Variants in BACH2 observed in about 807,000 individuals in gnomAD.
BACH2 encodes transcription regulator protein BACH2.
Under a neutral mutation model 61.8 loss-of-function variants are expected in BACH2, and 5 were observed. The observed-to-expected ratio is 0.08, with a 90% confidence interval of 0.04 to 0.17. The LOEUF (loss-of-function observed/expected upper bound fraction) is 0.17. Ranked by LOEUF, BACH2 falls within the 10% of genes least tolerant of loss-of-function variation. BACH2 has a pLI of 1.00. For missense variants in BACH2, 824 were observed against 1,091.1 expected (o/e 0.76, Z 3.45); for synonymous variants, 446 against 440.1 (o/e 1.01, Z -0.17).
At chr6:90,143,770 G>T (rs555846092) in intron 4 of BACH2, among the ~76,000 whole-genome samples, 1 of 152,170 alleles carries the variant, frequency 6.6e-6, no homozygotes, top group Non-Finnish European at 1.5e-5. Context: ...GCCCCCATTG[G>T]TTGGTCAACA....
chr6:90,039,969 G>C (rs1779450881), intron 5 of BACH2, among the ~76,000 whole-genome samples: 1 of 149,864 alleles, frequency 6.7e-6, no homozygotes, highest in Non-Finnish European at 1.5e-5. Context: ...TTAAATATTA[G>C]GGAAATCAGT....
chr6:89,996,593 GGTCTTTGCCACA>G (rs1350451381), intron 6 of BACH2, among the ~76,000 whole-genome samples: 1 of 151,974 alleles, frequency 6.6e-6, no homozygotes, highest in Non-Finnish European at 1.5e-5. Flanking sequence ...CCTCTTTTTG[GGTCTTTGCCACA>G]CCAGTGTCCT....
At chr6:90,293,043 A>G (rs1772230513) in intron 1 of BACH2, among the ~76,000 whole-genome samples, 1 of 152,184 alleles carries the variant, frequency 6.6e-6, no homozygotes, top group African/African-American at 2.4e-5. Flanking sequence ...TGAAAAATGA[A>G]AACGAGGGGC....
chr6:90,212,715 T>C (rs1174967496), intron 3 of BACH2, among the ~76,000 whole-genome samples: 1 of 152,088 alleles, frequency 6.6e-6, no homozygotes, highest in Non-Finnish European at 1.5e-5. Context: ...AACTAATATA[T>C]GAGTTATGGT....
chr6:90,073,153 G>A (rs905694757), intron 5 of BACH2, among the ~76,000 whole-genome samples: 26 of 152,328 alleles, frequency 1.7e-4, no homozygotes, highest in African/African-American at 5.3e-4. Context: ...TACCAATGGC[G>A]TATTCTTGCT....
intron 5 of BACH2, among the ~76,000 whole-genome samples, chr6:90,082,645 C>T (rs989324200): frequency 2.0e-5 from 3 of 152,050 alleles, no homozygotes; most frequent in African/African-American, 7.2e-5. Context: ...ATTTGGGCAG[C>T]CAGATTATAG....
At chr6:89,972,886 C>T (rs1006280565) in intron 6 of BACH2, among the ~76,000 whole-genome samples, 5 of 152,070 alleles carry the variant, frequency 3.3e-5, no homozygotes, top group Admixed American at 2.0e-4. Context: ...GTCAGGAGTT[C>T]GAGACCAGCC....
chr6:90,058,496 A>G (rs1050291569), intron 5 of BACH2, among the ~76,000 whole-genome samples: 4 of 152,228 alleles, frequency 2.6e-5, no homozygotes, highest in African/African-American at 9.7e-5. Context: ...ATGGAAGAAC[A>G]TTCCATGCTC....
At chr6:90,260,154 A>T (rs1230215494) in intron 2 of BACH2, among the ~76,000 whole-genome samples, 1 of 151,536 alleles carries the variant, frequency 6.6e-6, no homozygotes, top group Non-Finnish European at 1.5e-5. Context: ...TTCATTTGAG[A>T]TCTTTCTTCT....
chr6:89,943,230 C>A (rs1016603870), intron 7 of BACH2, among the ~76,000 whole-genome samples: 3 of 152,044 alleles, frequency 2.0e-5, no homozygotes, highest in Admixed American at 6.6e-5. Context: ...TCCTTGCATG[C>A]TGTCTGCACC....
intron 3 of BACH2, among the ~76,000 whole-genome samples, chr6:90,220,144 A>C (rs889075184): frequency 6.6e-6 from 1 of 152,192 alleles, no homozygotes; most frequent in African/African-American, 2.4e-5. Flanking sequence ...GAATTTTTTC[A>C]CAATGTTTCC....
chr6:90,257,732 G>A (rs902472601), intron 2 of BACH2, among the ~76,000 whole-genome samples: 7 of 152,028 alleles, frequency 4.6e-5, no homozygotes, highest in African/African-American at 1.7e-4. Flanking sequence ...TTTGTTGATT[G>A]TTTCCTTTAC....
In BACH2 at chr6:89,950,526, G is replaced by A; in HGVS notation, c.1580C>T (p.Ser527Phe). 1 of 1,612,878 alleles carries A rather than the reference G, an allele frequency of 6.2e-7. No individual in the cohort carries two copies. The highest frequency in any genetic ancestry group is 8.5e-7 in the Non-Finnish European group (1 of 1,179,092). The change falls in exon 7 of 9, where the codon TCC becomes TTC. Residue 527 changes from serine (S) to phenylalanine (F), a missense_variant. By Grantham distance (155) the Ser-to-Phe change is radical. This residue lies in a region of BACH2 where 160 missense variants were observed against 283.5 expected (regional missense o/e 0.56). Coordinates refer to ENST00000257749, the MANE Select transcript of BACH2 (RefSeq NM_021813.4). The surrounding 1 kb of genome is among the most constrained non-coding windows in gnomAD (Gnocchi z 5.3). Reference sequence around the variant, plus strand: ...GCCCCCGCTCCCGTCCTCCGCGTAGGAATAGGAAGAGCAGGAGCTGGAAGT... The same window carrying A: ...GCCCCCGCTCCCGTCCTCCGCGTAGAAATAGGAAGAGCAGGAGCTGGAAGT... ...TRTSSSCSSY[S>F]YAEDGSGGSP...
At chr6:90,036,327 G>A (rs1779261110) in intron 5 of BACH2, among the ~76,000 whole-genome samples, 1 of 151,876 alleles carries the variant, frequency 6.6e-6, no homozygotes, top group South Asian at 2.1e-4. Flanking sequence ...CTTGGATTCA[G>A]AAGTAGACCC....
chr6:90,014,446 A>G (rs549503660), intron 5 of BACH2, among the ~76,000 whole-genome samples: 185 of 64,136 alleles, frequency 2.9e-3, no homozygotes, highest in African/African-American at 6.5e-3. Flanking sequence ...GTGTGTATAT[A>G]TATATATATA....
intron 5 of BACH2, among the ~76,000 whole-genome samples, chr6:90,046,064 GA>G (rs57031351): frequency 0.031 from 4,718 of 152,192 alleles, 235 homozygotes; most frequent in African/African-American, 0.11. Flanking sequence ...ACCCCAAAAT[GA>G]AGCCTCAGTA....
intron 6 of BACH2, among the ~76,000 whole-genome samples, chr6:89,993,780 C>T (rs768501304): frequency 3.4e-4 from 52 of 151,910 alleles, no homozygotes; most frequent in Middle Eastern, 3.4e-3. Flanking sequence ...CCCAGGACTT[C>T]CAGGATCTAG....
chr6:90,044,325 G>T (rs1022983804), intron 5 of BACH2, among the ~76,000 whole-genome samples: 1 of 152,178 alleles, frequency 6.6e-6, no homozygotes, highest in African/African-American at 2.4e-5. Flanking sequence ...AGCCTTCCTG[G>T]CAGAAATAAA....
At chr6:90,208,182 C>T (rs1438803623) in intron 3 of BACH2, among the ~76,000 whole-genome samples, 2 of 152,098 alleles carry the variant, frequency 1.3e-5, no homozygotes, top group Admixed American at 1.3e-4. Context: ...AAAGCAATGG[C>T]AACAAAAGCC....
Sources: gnomAD v4.1 joint callset for allele counts (sites outside exome capture counted in the v4.1 genomes callset) on GRCh38, gnomAD v4.1.1 for gene constraint, gnomAD v4.1.1 regional missense constraint, Gnocchi (gnomAD v3.1) non-coding constraint, MANE v1.5 for transcripts, NCBI Gene and HGNC (gene_info 2026-07-23, HGNC 2026-07-21) for gene names.